CUL3: variants seen among roughly 807,000 people sequenced by gnomAD.
CUL3 encodes the protein cullin-3.
A neutral mutation model predicts 89.1 loss-of-function variants in CUL3; 19 were observed. The ratio of observed to expected loss-of-function variants is 0.21; its 90% CI spans 0.15 to 0.31. The LOEUF (loss-of-function observed/expected upper bound fraction) is 0.31. CUL3 is among the 10% of genes least tolerant of loss of function. The pLI is 1.00. For synonymous variants in CUL3, 351 were observed against 308.4 expected, an observed-to-expected ratio of 1.14 and a Z score of -1.45; for missense variants, 469 against 942.3, an observed-to-expected ratio of 0.50 and a Z score of 6.58.
At chr2:224,560,967 T>C (rs947028687) in intron 1 of CUL3, among the ~76,000 whole-genome samples, 5 of 152,234 alleles carry the variant, frequency 3.3e-5, no homozygotes. Context: ...TCGTATTTGC[T>C]ATTCTTTCTG....
At chr2:224,583,798 G>T (rs1313844921) in intron 1 of CUL3, among the ~76,000 whole-genome samples, 1 of 152,142 alleles carries the variant, frequency 6.6e-6, no homozygotes, top group Admixed American at 6.6e-5. Flanking sequence ...TCACATCAAG[G>T]TAAGTCTTTC....
intron 3 of CUL3, among the ~76,000 whole-genome samples, chr2:224,516,349 G>GCTCTGTCAC (rs980807598): frequency 2.1e-5 from 3 of 141,418 alleles, no homozygotes; most frequent in African/African-American, 8.0e-5. Flanking sequence ...ATGGGGTGTC[G>GCTCTGTCAC]CTCTGTCACC....
intron 13 of CUL3, among the ~76,000 whole-genome samples, chr2:224,492,102 C>T (rs915856597): frequency 1.3e-5 from 2 of 152,126 alleles, no homozygotes; most frequent in African/African-American, 4.8e-5. Flanking sequence ...ATTTTCCTTG[C>T]TCAGTTTTAG....
chr2:224,507,104 ACCC>A, intron 6 of CUL3, 101 bp from the exon 7 acceptor site: 2 of 1,058,360 alleles, frequency 1.9e-6, no homozygotes, highest in Non-Finnish European at 2.6e-6. Context: ...TTTCTCCATT[ACCC>A]CCATTTGCTG....
At chr2:224,567,452 G>A (rs1376344333) in intron 1 of CUL3, among the ~76,000 whole-genome samples, 2 of 151,974 alleles carry the variant, frequency 1.3e-5, no homozygotes, top group African/African-American at 2.4e-5. Context: ...AAAACTTCTA[G>A]GCTTCGGCCG....
chr2:224,557,868 A>G lies in CUL3; in HGVS notation c.67-12T>C. On this transcript the variant is annotated splice_polypyrimidine_tract_variant and intron_variant, in intron 1 of 15. Coordinates refer to ENST00000264414, the MANE Select transcript of CUL3 (RefSeq NM_003590.5). ...TCATCCATGGTCATCTGTAATATCC[A>G]AGAGAGAGAAGAGACAAAAAAAAAA... 2 of 785,800 alleles carry G rather than the reference A, an allele frequency of 2.5e-6. No individual in the cohort carries two copies. The highest frequency in any genetic ancestry group is 3.9e-6 in the Non-Finnish European group (2 of 512,128). The allele number at this position is 785,800 out of a possible 1,614,324, so 48.7% of individuals were successfully genotyped here.
chr2:224,494,443 GA>G (rs1401890964), intron 13 of CUL3, among the ~76,000 whole-genome samples: 14 of 150,944 alleles, frequency 9.3e-5, no homozygotes, highest in African/African-American at 2.2e-4. Context: ...AAAGGAAAAG[GA>G]AAAAAAAGCA....
intron 1 of CUL3, among the ~76,000 whole-genome samples, chr2:224,568,773 A>G (rs1295900305): frequency 6.6e-6 from 1 of 152,216 alleles, no homozygotes; most frequent in Non-Finnish European, 1.5e-5. Flanking sequence ...AATAAGCTAC[A>G]ATCTTTCCCT....
intron 3 of CUL3, among the ~76,000 whole-genome samples, chr2:224,532,174 A>AG (rs1693719896): frequency 6.6e-6 from 1 of 152,220 alleles, no homozygotes; most frequent in Non-Finnish European, 1.5e-5. Flanking sequence ...TCTGAATCTC[A>AG]GGAAATGAAG....
intron 15 of CUL3, among the ~76,000 whole-genome samples, chr2:224,475,660 C>G (rs1691292447): frequency 6.6e-6 from 1 of 152,100 alleles, no homozygotes; most frequent in Non-Finnish European, 1.5e-5. Context: ...CCTGAGATCT[C>G]CCACCCTTTG....
At chr2:224,490,674 C>T (rs1297075759) in intron 13 of CUL3, among the ~76,000 whole-genome samples, 2 of 149,782 alleles carry the variant, frequency 1.3e-5, no homozygotes, top group East Asian at 3.9e-4. Flanking sequence ...ATGTAACAAA[C>T]TTACACGTTC....
intron 2 of CUL3, among the ~76,000 whole-genome samples, chr2:224,544,236 A>G (rs1694216990): frequency 6.6e-6 from 1 of 152,160 alleles, no homozygotes; most frequent in Non-Finnish European, 1.5e-5. Flanking sequence ...ATTAAATATG[A>G]TTTATAATAG....
intron 13 of CUL3, among the ~76,000 whole-genome samples, chr2:224,486,282 T>C (rs556255960): frequency 6.6e-5 from 10 of 152,068 alleles, no homozygotes; most frequent in African/African-American, 1.9e-4. Context: ...CTGACAGAAG[T>C]AGGCTTCAGA....
At chr2:224,490,474 C>T (rs140597440) in intron 13 of CUL3, among the ~76,000 whole-genome samples, 119 of 151,926 alleles carry the variant, frequency 7.8e-4, no homozygotes, top group Middle Eastern at 3.4e-3. Flanking sequence ...GCCAGGCATT[C>T]GGGGCCCTAC....
chr2:224,481,663 A>G (rs1369136818), intron 14 of CUL3, among the ~76,000 whole-genome samples: 1 of 152,122 alleles, frequency 6.6e-6, no homozygotes, highest in Non-Finnish European at 1.5e-5. Flanking sequence ...AAACATGAAA[A>G]GAAATACTTT....
chr2:224,474,017 G>A lies in CUL3; in HGVS notation c.*228C>T, dbSNP rs758246089. 10 of 343,894 alleles carry A rather than the reference G, an allele frequency of 2.9e-5. No homozygotes were observed. The highest frequency in any genetic ancestry group is 8.4e-5 in the African/African-American group (4 of 47,708). The allele number at this position is 343,894 out of a possible 1,614,324, so 21.3% of individuals were successfully genotyped here. ...AAACGCAGCACATTCACATTTTCCC[G>A]AGGAACTGTAAAGATGATCTCTACA... On this transcript the variant is annotated 3_prime_UTR_variant, in exon 16 of 16. Coordinates refer to ENST00000264414, the MANE Select transcript of CUL3 (RefSeq NM_003590.5).
At chr2:224,499,430 G>A (rs1431087674) in intron 11 of CUL3, 4 of 240,222 alleles carry the variant, frequency 1.7e-5, no homozygotes, top group East Asian at 2.0e-4. Flanking sequence ...CAAAGAGGTC[G>A]TGACAGATAC....
chr2:224,523,435 T>C (rs1416259966), intron 3 of CUL3, among the ~76,000 whole-genome samples: 2 of 148,598 alleles, frequency 1.3e-5, no homozygotes, highest in Non-Finnish European at 3.0e-5. Flanking sequence ...GACAAGAATG[T>C]GGAAAAATTA....
chr2:224,571,061 A>G (rs1417010220), intron 1 of CUL3, among the ~76,000 whole-genome samples: 1 of 152,190 alleles, frequency 6.6e-6, no homozygotes, highest in African/African-American at 2.4e-5. Flanking sequence ...CACAACAAAT[A>G]AGATACAATA....
Sources: allele counts gnomAD v4.1 joint callset (sites outside exome capture counted in the v4.1 genomes callset), GRCh38; gene constraint gnomAD v4.1.1; transcripts MANE v1.5; gene names NCBI Gene and HGNC (gene_info 2026-07-23, HGNC 2026-07-21).